Variants in MAPK10 observed in about 807,000 individuals in gnomAD.
The protein encoded by MAPK10 is mitogen-activated protein kinase 10, also known as JNK3 alpha protein kinase.
A neutral mutation model predicts 59.3 loss-of-function variants in MAPK10; 25 were observed. The observed-to-expected ratio is 0.42, with a 90% confidence interval of 0.31 to 0.59. The LOEUF (loss-of-function observed/expected upper bound fraction) is 0.59. Ranked by LOEUF, MAPK10 falls within the 20% of genes least tolerant of loss-of-function variation. MAPK10 has a pLI of 0.15. For synonymous variants in MAPK10, 190 were observed against 200.5 expected (o/e 0.95, Z 0.44); for missense variants, 351 against 568.9 (o/e 0.62, Z 3.90).
At chr4:86,560,687 A>G (rs1760611286) in intron 1 of MAPK10, among the ~76,000 whole-genome samples, 1 of 152,264 alleles carries the variant, frequency 6.6e-6, no homozygotes, top group Non-Finnish European at 1.5e-5. Flanking sequence ...GTGATGCAGT[A>G]AGCTATAAAC....
At chr4:86,199,834 C>T (rs779647039) in intron 2 of MAPK10, among the ~76,000 whole-genome samples, 14 of 151,898 alleles carry the variant, frequency 9.2e-5, no homozygotes, top group African/African-American at 2.2e-4. Context: ...TGTGTATGCA[C>T]GTTTGGTATG....
intron 3 of MAPK10, chr4:86,175,967 C>T (rs896877209): frequency 6.6e-6 from 1 of 151,964 alleles, no homozygotes; most frequent in Admixed American, 6.6e-5. Context: ...ATATCTATAA[C>T]CAAATAAACA....
intron 8 of MAPK10, chr4:86,100,118 C>T (rs905304937): frequency 3.3e-5 from 5 of 151,966 alleles, no homozygotes; most frequent in Admixed American, 6.6e-5. Context: ...TTTTATAAAA[C>T]TTATTAATAC....
intron 3 of MAPK10, among the ~76,000 whole-genome samples, chr4:86,187,028 AACTG>A (rs2078404733): frequency 6.6e-6 from 1 of 152,124 alleles, no homozygotes; most frequent in Admixed American, 6.6e-5. Flanking sequence ...TCAGAAAAAA[AACTG>A]ACTACCACCT....
At chr4:86,262,026 T>G (rs768837090) in intron 2 of MAPK10, among the ~76,000 whole-genome samples, 1 of 152,260 alleles carries the variant, frequency 6.6e-6, no homozygotes, top group Non-Finnish European at 1.5e-5. Context: ...AGTCTAATTA[T>G]TTAATATAAC....
chr4:86,333,746 T>G (rs980418191), intron 2 of MAPK10, among the ~76,000 whole-genome samples: 2 of 152,150 alleles, frequency 1.3e-5, no homozygotes, highest in African/African-American at 4.8e-5. Flanking sequence ...TTACTTAACC[T>G]TTCTGGGGCT....
intron 10 of MAPK10, chr4:86,065,001 C>G (rs1487574590): frequency 6.6e-6 from 1 of 152,028 alleles, no homozygotes; most frequent in Non-Finnish European, 1.5e-5. Context: ...AACTCCTGCG[C>G]TCAAAGGATC....
chr4:86,186,299 T>C (rs60119671), intron 3 of MAPK10, among the ~76,000 whole-genome samples: 106 of 152,270 alleles, frequency 7.0e-4, no homozygotes, highest in African/African-American at 2.5e-3. Context: ...TGTCTAGCAC[T>C]GGAGTTCTTA....
intron 1 of MAPK10, among the ~76,000 whole-genome samples, chr4:86,524,765 T>C (rs1427824086): frequency 6.6e-6 from 1 of 152,056 alleles, no homozygotes; most frequent in African/African-American, 2.4e-5. Context: ...CTTCTGCTGC[T>C]GTTGTTTTAG....
intron 2 of MAPK10, among the ~76,000 whole-genome samples, chr4:86,240,388 C>A (rs28812808): frequency 0.33 from 49,954 of 152,016 alleles, 11,156 homozygotes; most frequent in African/African-American, 0.64. Context: ...GCTGAGTTCA[C>A]GTCCCAAATA....
intron 4 of MAPK10, among the ~76,000 whole-genome samples, chr4:86,108,161 T>C (rs2056864966): frequency 6.6e-6 from 1 of 152,142 alleles, no homozygotes; most frequent in African/African-American, 2.4e-5. Context: ...CAAAAATAAA[T>C]GCTATTCACA....
At chr4:86,036,714 AAGAAAT>A (rs1188997699) in intron 11 of MAPK10, among the ~76,000 whole-genome samples, 86 of 152,352 alleles carry the variant, frequency 5.6e-4, no homozygotes, top group African/African-American at 2.0e-3. Flanking sequence ...TTTGTAAAAC[AAGAAAT>A]AGAAACATAA....
chr4:86,058,255 C>T lies in MAPK10; in HGVS notation c.1110+6011G>A, dbSNP rs971505278. 2.0e-5 allele frequency among the ~76,000 whole-genome samples: 3 copies of T among 149,724 alleles called. 1 individual carries two copies. The highest frequency in any genetic ancestry group is 7.5e-5 in the African/African-American group (3 of 39,850). On this transcript the variant is annotated intron_variant, in intron 11 of 13. Coordinates refer to ENST00000641462, the MANE Select transcript of MAPK10 (RefSeq NM_138982.4). ...TGTGCTCCGTTCCCTGGTTACTTCT[C>T]CTTTACTTAGGGATTTCAGAATTGT...
chr4:86,531,565 C>T (rs1248716870), intron 1 of MAPK10, among the ~76,000 whole-genome samples: 2 of 152,170 alleles, frequency 1.3e-5, no homozygotes, highest in African/African-American at 4.8e-5. Flanking sequence ...ACCAAGAGGG[C>T]AGCAACTAAA....
At chr4:86,360,994 T>G (rs1301689273), upstream of MAPK10, among the ~76,000 whole-genome samples, 1 of 152,194 alleles carries the variant, frequency 6.6e-6, no homozygotes, top group Non-Finnish European at 1.5e-5. Context: ...CAATTCCTTT[T>G]TTGCTTACAC....
intron 2 of MAPK10, among the ~76,000 whole-genome samples, chr4:86,201,459 T>C (rs1302461790): frequency 3.3e-5 from 5 of 151,908 alleles, no homozygotes; most frequent in African/African-American, 1.2e-4. Flanking sequence ...TATATGTTAT[T>C]GGCCATTTAT....
intron 2 of MAPK10, among the ~76,000 whole-genome samples, chr4:86,330,772 C>T (rs781407127): frequency 3.9e-4 from 60 of 151,962 alleles, no homozygotes; most frequent in Admixed American, 6.6e-4. Flanking sequence ...CCGTGAGAAC[C>T]GATTAATACA....
intron 2 of MAPK10, among the ~76,000 whole-genome samples, chr4:86,214,112 G>A (rs77109714): frequency 0.085 from 12,927 of 151,916 alleles, 1,219 homozygotes; most frequent in African/African-American, 0.23. Context: ...TCTCATTAAT[G>A]GAATGAAGGA....
At chr4:86,359,263 C>CCTCTCTCTCTCTCTCT (rs367595812) in intron 1 of MAPK10, among the ~76,000 whole-genome samples, 722 of 53,400 alleles carry the variant, frequency 0.014, 39 homozygotes, top group South Asian at 0.059. Flanking sequence ...TTTTTTTTTT[C>CCTCTCTCTCTCTCTCT]CTCTCTCTCT....
Sources: allele counts gnomAD v4.1 joint callset (sites outside exome capture counted in the v4.1 genomes callset), GRCh38; gene constraint gnomAD v4.1.1; transcripts MANE v1.5; gene names NCBI Gene and HGNC (gene_info 2026-07-23, HGNC 2026-07-21).